KCNK12: variants seen among roughly 807,000 people sequenced by gnomAD.
The protein encoded by KCNK12 is potassium channel subfamily K member 12.
A neutral mutation model predicts 25.3 loss-of-function variants in KCNK12; 6 were observed. The ratio of observed to expected loss-of-function variants is 0.24; its 90% CI spans 0.13 to 0.47. The LOEUF (loss-of-function observed/expected upper bound fraction) is 0.47. Among genes scored for constraint, KCNK12 ranks in the 20% least tolerant of loss-of-function variants. The pLI is 0.99. For synonymous variants in KCNK12, 331 were observed against 311.1 expected, an observed-to-expected ratio of 1.06 and a Z score of -0.67; for missense variants, 444 against 661.7, an observed-to-expected ratio of 0.67 and a Z score of 3.61.
In KCNK12 at chr2:47,562,228, AGCACT is replaced by A. The variant is rs1669687195; in HGVS notation, c.391+7708_391+7712del. ...GTTCCAGGCACCTTACAGTTTGAAA[AGCACT>A]GCTGCATGCTATCCTACCTTCCTGG... On this transcript the variant is annotated intron_variant, in intron 1 of 1. Coordinates refer to ENST00000327876, the MANE Select transcript of KCNK12 (RefSeq NM_022055.2). This position sits in a 1 kb window ranked among gnomAD's most constrained non-coding sequence, Gnocchi z 4.8. 2.5e-6 allele frequency: 1 copy of A among 398,146 alleles called. No individual in the cohort carries two copies. Among genetic ancestry groups the A allele is most frequent in the South Asian group, 1.3e-4 (1 of 7,636 alleles). 24.7% of individuals were successfully genotyped at this position (398,146 alleles called of 1,614,324 possible).
At chr2:47,541,900 C>T (rs765261926) in intron 1 of KCNK12, among the ~76,000 whole-genome samples, 21 of 152,132 alleles carry the variant, frequency 1.4e-4, no homozygotes, top group South Asian at 4.1e-4. Flanking sequence ...TTATGGCAGC[C>T]GGAAGGAGAC....
rs1462259691 is a variant in KCNK12 at position 47,528,630 on chromosome 2, C to T, written c.392-6822G>A. 2.0e-5 allele frequency among the ~76,000 whole-genome samples: 3 copies of T among 152,064 alleles called. No individual in the cohort carries two copies. The highest frequency in any genetic ancestry group is 2.0e-4 in the Admixed American group (3 of 15,264). ...CACACCCTGCAGAGGCGTGATCTGT[C>T]CCTGGGTTCGCACCAAGCCTGCTAT... is the stretch of plus-strand genomic sequence containing the variant. On this transcript the variant is annotated intron_variant, in intron 1 of 1. Coordinates refer to ENST00000327876, the MANE Select transcript of KCNK12 (RefSeq NM_022055.2). The surrounding 1 kb of genome is among the most constrained non-coding windows in gnomAD (Gnocchi z 4.5).
chr2:47,562,434 C>G lies in KCNK12; in HGVS notation c.391+7507G>C, dbSNP rs1419031045. On this transcript the variant is annotated intron_variant, in intron 1 of 1. Coordinates refer to ENST00000327876, the MANE Select transcript of KCNK12 (RefSeq NM_022055.2). This position sits in a 1 kb window ranked among gnomAD's most constrained non-coding sequence, Gnocchi z 4.8. ...CAATTTTTCTAAGGGCCCAGGCACA[C>G]CAGTTACCACTGACCTGCTAGTAAG... 5 of 280,870 alleles carry G rather than the reference C, an allele frequency of 1.8e-5. No individual in the cohort carries two copies. Among genetic ancestry groups the G allele is most frequent in the Non-Finnish European group, 3.3e-5 (5 of 150,714 alleles). The allele number at this position is 280,870 out of a possible 1,614,324, so 17.4% of individuals were successfully genotyped here. A position where few individuals can be genotyped will look rare whatever the true frequency, so the allele number is the denominator to read the frequency against.
chr2:47,533,523 A>G lies in KCNK12; in HGVS notation c.392-11715T>C, dbSNP rs1216172821. Among the ~76,000 whole-genome samples the G allele has an allele frequency of 6.6e-6, 1 of 152,208 alleles. No homozygotes were observed. Among genetic ancestry groups the G allele is most frequent in the African/African-American group, 2.4e-5 (1 of 41,450 alleles). On this transcript the variant is annotated intron_variant, in intron 1 of 1. Coordinates refer to ENST00000327876, the MANE Select transcript of KCNK12 (RefSeq NM_022055.2). The surrounding 1 kb of genome is among the most constrained non-coding windows in gnomAD (Gnocchi z 4.7). The stretch of plus-strand genomic sequence containing the variant: ...ATCACGACATGACATATGGATTTCC[A>G]TGGCAGGGAAATGCCCCCGTAGGCA...
rs1465515179 is a variant in KCNK12 at position 47,570,905 on chromosome 2, C to A, written c.-574G>T. ...GCTGGCGGCGTCGGCTTCAGAGCCT[C>A]GGAGCCGAGCCGAGTCCGGGGAAGC... On this transcript the variant is annotated 5_prime_UTR_variant, in exon 1 of 2. Transcript: ENST00000327876. 1 of 152,214 alleles carries A rather than the reference C, an allele frequency of 6.6e-6. No individual in the cohort carries two copies. The highest frequency in any genetic ancestry group is 2.0e-4 in the East Asian group (1 of 5,124). 9.4% of individuals were successfully genotyped at this position (152,214 alleles called of 1,614,324 possible).
At chr2:47,544,605 T>G (rs1558558460) in intron 1 of KCNK12, among the ~76,000 whole-genome samples, 1 of 152,254 alleles carries the variant, frequency 6.6e-6, no homozygotes, top group Non-Finnish European at 1.5e-5. Context: ...AGGCTCAGTA[T>G]GAGCACTCTG....
rs1017331102 is a variant in KCNK12, at chr2:47,519,427, G to A, written c.*1480C>T. On this transcript the variant is annotated 3_prime_UTR_variant, in exon 2 of 2. Coordinates refer to ENST00000327876, the MANE Select transcript of KCNK12 (RefSeq NM_022055.2). Reference sequence around the variant, plus strand: ...CTTCCTATCAGAAGCTGTGCATACTGGTGGGTCACGCCGTGCCTGTATAAA... The same window carrying A: ...CTTCCTATCAGAAGCTGTGCATACTAGTGGGTCACGCCGTGCCTGTATAAA... 2.6e-5 allele frequency: 4 copies of A among 152,166 alleles called. No homozygotes were observed. Among genetic ancestry groups the A allele is most frequent in the African/African-American group, 4.8e-5 (2 of 41,426 alleles). The allele number at this position is 152,166 out of a possible 1,614,324, so 9.4% of individuals were successfully genotyped here.
In KCNK12 at chr2:47,533,795, T is replaced by A. The variant is rs1668990179; in HGVS notation, c.392-11987A>T. On this transcript the variant is annotated intron_variant, in intron 1 of 1. Transcript: ENST00000327876. This position sits in a 1 kb window ranked among gnomAD's most constrained non-coding sequence, Gnocchi z 4.7. ...CTATTTGTTGGCGCTTGCTGGTTTG[T>A]CTGATTTGCAGAGCTGGATGGACTG... 6.6e-6 allele frequency among the ~76,000 whole-genome samples: 1 copy of A among 152,198 alleles called. No individual in the cohort carries two copies. The highest frequency in any genetic ancestry group is 2.4e-5 in the African/African-American group (1 of 41,444).
intron 1 of KCNK12, among the ~76,000 whole-genome samples, chr2:47,530,050 G>C (rs758290003): frequency 1.3e-5 from 2 of 152,110 alleles, no homozygotes; most frequent in Non-Finnish European, 2.9e-5. Context: ...CATCTCATTT[G>C]ATCCTTCCTG....
At position 47,521,818 on chromosome 2, in the gene KCNK12, CAG is replaced by C; in HGVS notation, c.392-12_392-11del. 6.6e-7 allele frequency: 1 copy of C among 1,509,450 alleles called. No homozygotes were observed. Among genetic ancestry groups the C allele is most frequent in the African/African-American group, 1.4e-5 (1 of 70,220 alleles). 93.5% of individuals were successfully genotyped at this position (1,509,450 alleles called of 1,614,324 possible). A position where few individuals can be genotyped will look rare whatever the true frequency, so the allele number is the denominator to read the frequency against. On this transcript the variant is annotated splice_polypyrimidine_tract_variant and intron_variant, in intron 1 of 1. Transcript: ENST00000327876. The stretch of plus-strand genomic sequence containing the variant: ...GTGGTCATGCCGAAACCTGTGGAGA[CAG>C]GGCAGGGTCAGCGCGGTCCTGGCCG...
At chr2:47,553,130 A>C (rs891595890) in intron 1 of KCNK12, among the ~76,000 whole-genome samples, 1 of 152,262 alleles carries the variant, frequency 6.6e-6, no homozygotes, top group East Asian at 1.9e-4. Flanking sequence ...GGTCCTCCCC[A>C]TGACCCTGTG....
At position 47,541,169 on chromosome 2, in the gene KCNK12, A is replaced by G. The variant is rs544453129; in HGVS notation, c.392-19361T>C. Among the ~76,000 whole-genome samples the G allele has an allele frequency of 7.9e-5, 12 of 152,090 alleles. No individual in the cohort carries two copies. In the South Asian group the frequency reaches 1.5e-3, roughly 18 times the overall value. On this transcript the variant is annotated intron_variant, in intron 1 of 1. Transcript: ENST00000327876. ...CTGATACATCCCTCACCCTTTTCCA[A>G]TTGATTTTTAGCTTCCTTCATCCCT...
chr2:47,521,441 G>A lies in KCNK12; in HGVS notation c.759C>T (p.Thr253=), dbSNP rs1199841119. Residue 253 remains threonine (T), a synonymous_variant, in exon 2 of 2, where the codon ACC becomes ACT. Transcript: ENST00000327876. ...GGTCCCCGAAGCCGATGGTGCTGAA[G>A]GTGACGAAGCAGAAGTAGAGCGAGT... is the stretch of plus-strand genomic sequence containing the variant. ...YVDSLYFCFV[T]FSTIGFGDLV... The A allele has an allele frequency of 6.2e-7, 1 of 1,613,272 alleles. No individual in the cohort carries two copies. Among genetic ancestry groups the A allele is most frequent in the East Asian group, 2.2e-5 (1 of 44,872 alleles).
chr2:47,534,544 G>T (rs1669017104), intron 1 of KCNK12, among the ~76,000 whole-genome samples: 1 of 99,312 alleles, frequency 1.0e-5, no homozygotes, highest in South Asian at 3.6e-4. Flanking sequence ...CACACAGAAA[G>T]AGCAGAGCCC....
chr2:47,545,780 C>A (rs887665817), intron 1 of KCNK12, among the ~76,000 whole-genome samples: 4 of 152,186 alleles, frequency 2.6e-5, no homozygotes, highest in African/African-American at 9.6e-5. Context: ...AATAGCATGA[C>A]CACCTCAAAA....
At chr2:47,524,038 A>C (rs1163026951) in intron 1 of KCNK12, among the ~76,000 whole-genome samples, 1 of 152,198 alleles carries the variant, frequency 6.6e-6, no homozygotes, top group Non-Finnish European at 1.5e-5. Context: ...CAGTTGCCCG[A>C]GTGTGGTGTT....
rs1273833718 is a variant in KCNK12, at chr2:47,517,024, C to T, written c.*3883G>A. 1 of 150,526 alleles carries T rather than the reference C, an allele frequency of 6.6e-6. No individual in the cohort carries two copies. The highest frequency in any genetic ancestry group is 1.5e-5 in the Non-Finnish European group (1 of 67,632). 9.3% of individuals were successfully genotyped at this position (150,526 alleles called of 1,614,324 possible). ...CTTGAGTCACCACCAGCACATTATA[C>T]AACAATACAAGAACCCTGCAACAGA... On this transcript the variant is annotated 3_prime_UTR_variant, in exon 2 of 2. Transcript: ENST00000327876. The surrounding 1 kb of genome is among the most constrained non-coding windows in gnomAD (Gnocchi z 4.1).
In KCNK12 at chr2:47,521,522, C is replaced by T. The variant is rs754835900; in HGVS notation, c.678G>A (p.Leu226=). ...ACATGGCCGAGGCGCAGCAGGACAG[C>T]AGCACGGCGAACAGGCCCAGGATGA... ...VLLILGLFAV[L]LSCCASAMYT... The change falls in exon 2 of 2, where the codon CTG becomes CTA. Residue 226 remains leucine, a synonymous_variant. Coordinates refer to ENST00000327876, the MANE Select transcript of KCNK12 (RefSeq NM_022055.2). The T allele has an allele frequency of 2.3e-5, 37 of 1,577,902 alleles. No individual in the cohort carries two copies. The highest frequency in any genetic ancestry group is 3.3e-4 in the Middle Eastern group (2 of 6,008).
rs1203429640 is a variant in KCNK12, at chr2:47,513,927, C to G, written c.*6980G>C. Reference sequence around the variant, plus strand: ...CCACCCTGCCATCTGCTTTCCTCCTCCACTCCTGCATTCTGAGTCATTTTC... The same window carrying G: ...CCACCCTGCCATCTGCTTTCCTCCTGCACTCCTGCATTCTGAGTCATTTTC... On this transcript the variant is annotated 3_prime_UTR_variant, in exon 2 of 2. Coordinates refer to ENST00000327876, the MANE Select transcript of KCNK12 (RefSeq NM_022055.2). Among the ~76,000 whole-genome samples the G allele has an allele frequency of 6.6e-6, 1 of 152,194 alleles. No homozygotes were observed. Among genetic ancestry groups the G allele is most frequent in the East Asian group, 1.9e-4 (1 of 5,192 alleles).
Sources: allele counts gnomAD v4.1 joint callset (sites outside exome capture counted in the v4.1 genomes callset), GRCh38; gene constraint gnomAD v4.1.1; non-coding constraint Gnocchi (gnomAD v3.1); transcripts MANE v1.5; gene names NCBI Gene and HGNC (gene_info 2026-07-23, HGNC 2026-07-21).